CCDC102B: variants seen among roughly 807,000 people sequenced by gnomAD.
The protein encoded by CCDC102B is coiled-coil domain-containing protein 102B.
In CCDC102B, 75 loss-of-function variants were observed where a neutral mutation model predicts 57.4. That is an observed-to-expected ratio of 1.31 (90% CI 1.08 to 1.58). CCDC102B has a LOEUF of 1.58. Among genes scored for constraint, CCDC102B ranks in the 40% most tolerant of loss-of-function variants. The probability of loss-of-function intolerance (pLI) is 0.00; values close to 1 mark genes in which losing one functional copy is unlikely to be tolerated. For missense variants in CCDC102B, 636 were observed against 582.6 expected (o/e 1.09, Z -0.94); for synonymous variants, 206 against 201.9 (o/e 1.02, Z -0.17).
chr18:68,808,577 A>G (rs1376556818), intron 1 of CCDC102B, among the ~76,000 whole-genome samples: 6 of 142,116 alleles, frequency 4.2e-5, no homozygotes, highest in Admixed American at 7.9e-5. Flanking sequence ...TCCTGGGTTC[A>G]CGCCATTCTC....
At chr18:68,961,465 A>T (rs1036944974) in intron 6 of CCDC102B, among the ~76,000 whole-genome samples, 15 of 151,960 alleles carry the variant, frequency 9.9e-5, no homozygotes, top group Non-Finnish European at 1.8e-4. Flanking sequence ...TAAGATGACT[A>T]TTTCTTTAAA....
At chr18:68,835,941 A>G (rs1362893835) in intron 1 of CCDC102B, among the ~76,000 whole-genome samples, 2 of 152,162 alleles carry the variant, frequency 1.3e-5, no homozygotes, top group African/African-American at 4.8e-5. Context: ...GAGACTAGTC[A>G]ATAGTCAACA....
intron 2 of CCDC102B, among the ~76,000 whole-genome samples, chr18:68,837,899 G>T (rs1436709028): frequency 6.6e-6 from 1 of 152,172 alleles, no homozygotes; most frequent in Admixed American, 6.5e-5. Context: ...TAGTACAGAT[G>T]ATTGCAATGC....
chr18:68,857,256 TAAA>T lies in CCDC102B; in HGVS notation c.936+10836_936+10838del, dbSNP rs1568292562. ...TATATATAAATATATATTTATTATT[TAAA>T]TATATAAATATATATATAATATATA... On this transcript the variant is annotated intron_variant, in intron 4 of 7. Coordinates refer to ENST00000360242, the MANE Select transcript of CCDC102B (RefSeq NM_024781.3). Among the ~76,000 whole-genome samples, 24 of 55,260 alleles carry T rather than the reference TAAA, an allele frequency of 4.3e-4. 4 individuals carry two copies. Among genetic ancestry groups the T allele is most frequent in the Admixed American group, 2.9e-3 (8 of 2,724 alleles). 36.3% of individuals were successfully genotyped at this position (55,260 alleles called of 152,430 possible). A position where few individuals can be genotyped will look rare whatever the true frequency, so the allele number is the denominator to read the frequency against.
At chr18:68,912,143 A>G (rs1177342084) in intron 6 of CCDC102B, among the ~76,000 whole-genome samples, 4 of 148,360 alleles carry the variant, frequency 2.7e-5, no homozygotes, top group Admixed American at 6.9e-5. Context: ...GTAAATTTTG[A>G]GATTTGATCC....
At chr18:68,821,910 G>A (rs188092478) in intron 1 of CCDC102B, among the ~76,000 whole-genome samples, 10 of 152,134 alleles carry the variant, frequency 6.6e-5, no homozygotes, top group Middle Eastern at 3.4e-3. Context: ...AGAGCCAAGA[G>A]TTTCAATGTC....
chr18:68,743,359 G>T (rs954245069), intron 2 of CCDC102B, among the ~76,000 whole-genome samples: 10 of 152,288 alleles, frequency 6.6e-5, no homozygotes, highest in South Asian at 2.1e-4. Flanking sequence ...AGTGAGCCAA[G>T]ATCGTGCCAC....
At position 68,791,008 on chromosome 18, in the gene CCDC102B, CAAT is replaced by C. The variant is rs1023518202; in HGVS notation, c.-66-32355_-66-32353del. On this transcript the variant is annotated intron_variant, in intron 2 of 3. Coordinates refer to the CCDC102B transcript ENST00000578970. The stretch of plus-strand genomic sequence containing the variant: ...ATCAAAAGGAGAGATTAGCAAAAAA[CAAT>C]AAACTTTCAAGAGAGTAAAATAAAA... Among the ~76,000 whole-genome samples the C allele has an allele frequency of 1.1e-4, 17 of 152,184 alleles. No homozygotes were observed. In the East Asian group the frequency reaches 2.9e-3, roughly 26 times the overall value.
chr18:68,935,178 G>A (rs1375917092), intron 6 of CCDC102B, among the ~76,000 whole-genome samples: 2 of 151,972 alleles, frequency 1.3e-5, no homozygotes, highest in African/African-American at 4.8e-5. Context: ...GCCAATCAGA[G>A]CTAGAGAGAT....
At chr18:68,765,089 G>A (rs921796614) in intron 2 of CCDC102B, among the ~76,000 whole-genome samples, 3 of 133,572 alleles carry the variant, frequency 2.2e-5, no homozygotes, top group African/African-American at 9.8e-5. Context: ...TGGGGATGGT[G>A]GTGCATGTCT....
upstream of CCDC102B, among the ~76,000 whole-genome samples, chr18:68,797,650 C>T (rs576402): frequency 0.058 from 8,828 of 151,218 alleles, 684 homozygotes; most frequent in African/African-American, 0.18. Context: ...ATTTCTTTTG[C>T]TTTTGTGCAA....
intron 2 of CCDC102B, among the ~76,000 whole-genome samples, chr18:68,756,697 A>T (rs983180902): frequency 6.6e-6 from 1 of 152,198 alleles, no homozygotes; most frequent in South Asian, 2.1e-4. Context: ...TGATCAAGGC[A>T]GAAATGGAAG....
upstream of CCDC102B, chr18:68,798,009 T>C (rs2035692583): frequency 6.6e-6 from 1 of 152,134 alleles, no homozygotes. Flanking sequence ...TCAATAAAAC[T>C]TCACAACCAA....
intron 1 of CCDC102B, among the ~76,000 whole-genome samples, chr18:68,820,692 T>C (rs1011673585): frequency 6.6e-6 from 1 of 152,186 alleles, no homozygotes; most frequent in African/African-American, 2.4e-5. Flanking sequence ...CTTTCATTCA[T>C]TCATTTATTC....
chr18:68,757,009 G>C (rs549395635), intron 2 of CCDC102B, among the ~76,000 whole-genome samples: 1 of 152,148 alleles, frequency 6.6e-6, no homozygotes, highest in Admixed American at 6.6e-5. Context: ...CTCTGCTACA[G>C]TGTTACCTCC....
rs985352630 is a variant in CCDC102B, at chr18:68,863,699, A to G, written c.937-10970A>G. Among the ~76,000 whole-genome samples the G allele has an allele frequency of 6.6e-5, 10 of 152,098 alleles. 1 individual carries two copies. Among genetic ancestry groups the G allele is most frequent in the African/African-American group, 2.4e-4 (10 of 41,550 alleles). On this transcript the variant is annotated intron_variant, in intron 4 of 7. Coordinates refer to ENST00000360242, the MANE Select transcript of CCDC102B (RefSeq NM_024781.3). ...TGAATTGAATCACTACCATTCTTCAATGTTGATCAAATTTGATAAATTTTT... is the reference window on the plus strand; with the variant it reads ...TGAATTGAATCACTACCATTCTTCAGTGTTGATCAAATTTGATAAATTTTT...
At chr18:68,796,227 G>A (rs2035623661), upstream of CCDC102B, among the ~76,000 whole-genome samples, 1 of 152,132 alleles carries the variant, frequency 6.6e-6, no homozygotes, top group Non-Finnish European at 1.5e-5. Flanking sequence ...TAGTGGCAGT[G>A]AGAAAAGAAG....
At chr18:68,865,543 G>C (rs1487889491) in intron 4 of CCDC102B, among the ~76,000 whole-genome samples, 1 of 152,056 alleles carries the variant, frequency 6.6e-6, no homozygotes, top group East Asian at 1.9e-4. Flanking sequence ...TTCCATATAT[G>C]GTTATTCATA....
intron 7 of CCDC102B, among the ~76,000 whole-genome samples, chr18:69,045,515 T>G (rs749709579): frequency 2.6e-5 from 4 of 152,138 alleles, no homozygotes; most frequent in Non-Finnish European, 5.9e-5. Context: ...AATTTTACAT[T>G]TTAAAAATAA....
Sources: allele counts gnomAD v4.1 joint callset (sites outside exome capture counted in the v4.1 genomes callset), GRCh38; gene constraint gnomAD v4.1.1; transcripts MANE v1.5; gene names NCBI Gene and HGNC (gene_info 2026-07-23, HGNC 2026-07-21).